Variants in MAP3K12 observed in about 807,000 individuals in gnomAD.
MAP3K12 encodes mitogen-activated protein kinase kinase kinase 12.
Under a neutral mutation model 87.5 loss-of-function variants are expected in MAP3K12, and 14 were observed. The observed-to-expected ratio is 0.16, with a 90% confidence interval of 0.11 to 0.25. The LOEUF (loss-of-function observed/expected upper bound fraction) is 0.25, where lower values mean the gene tolerates loss of function less well. MAP3K12 is among the 10% of genes least tolerant of loss of function. MAP3K12 has a pLI of 1.00. For synonymous variants in MAP3K12, 469 were observed against 452.5 expected (o/e 1.04, Z -0.46); for missense variants, 802 against 1,140.4 (o/e 0.70, Z 4.27).
At position 53,486,658 on chromosome 12, in the gene MAP3K12, A is replaced by C. The variant is rs755568705; in HGVS notation, c.446-36T>G. ...GAGGCACAGTGCCACAAGCCTCAGA[A>C]AGAGCCACACTCAAGGCCAGGGACA... is the stretch of plus-strand genomic sequence containing the variant. On this transcript the variant is annotated intron_variant, in intron 2 of 13. Coordinates refer to ENST00000547488, the MANE Select transcript of MAP3K12 (RefSeq NM_001193511.2). The surrounding 1 kb of genome is among the most constrained non-coding windows in gnomAD (Gnocchi z 4.9). The C allele has an allele frequency of 5.2e-6, 8 of 1,536,672 alleles. No individual in the cohort carries two copies. Among genetic ancestry groups the C allele is most frequent in the Non-Finnish European group, 7.0e-6 (8 of 1,142,926 alleles).
At chr12:53,491,301 A>AAAAAAGAAAAAGAAAAG (rs796169121) in intron 1 of MAP3K12, among the ~76,000 whole-genome samples, 2 of 101,570 alleles carry the variant, frequency 2.0e-5, no homozygotes, top group African/African-American at 3.8e-5. Flanking sequence ...AAAAAAAAAA[A>AAAAAAGAAAAAGAAAAG]AAAAGAAAAG....
Position 53,483,592 on chromosome 12 carries a change from G to A in MAP3K12, c.1475+15C>T. 1.2e-6 allele frequency: 2 copies of A among 1,613,912 alleles called. No homozygotes were observed. Among genetic ancestry groups the A allele is most frequent in the Non-Finnish European group, 1.7e-6 (2 of 1,179,840 alleles). ...ACAGCTCCAGGGCTTGGTGCATAAG[G>A]ACAGGTAGGGTTACCTGAGCAGCTC... On this transcript the variant is annotated intron_variant, in intron 9 of 13. Transcript: ENST00000547488.
intron 1 of MAP3K12, among the ~76,000 whole-genome samples, chr12:53,494,401 G>A (rs558878530): frequency 6.6e-6 from 1 of 152,344 alleles, no homozygotes; most frequent in African/African-American, 2.4e-5. Context: ...ACACCCAACA[G>A]GCCCTAATTC....
chr12:53,486,160 G>A lies in MAP3K12; in HGVS notation c.717C>T (p.Arg239=). The change falls in exon 4 of 14, where the codon CGC becomes CGT. Residue 239 remains arginine (R), a synonymous_variant. Transcript: ENST00000547488. The surrounding 1 kb of genome is among the most constrained non-coding windows in gnomAD (Gnocchi z 4.9). Reference sequence around the variant, plus strand: ...CAACCAGTAAGGAGGGGGTGACAGGGCGGCCAGCCCGCAGTACCTCATACA... The same window carrying A: ...CAACCAGTAAGGAGGGGGTGACAGGACGGCCAGCCCGCAGTACCTCATACA... ...GQLYEVLRAG[R]PVTPSLLVDW... The A allele has an allele frequency of 6.2e-7, 1 of 1,614,182 alleles. No individual in the cohort carries two copies.
At chr12:53,483,778 C>T (rs784565) in intron 8 of MAP3K12, 55 bp from the exon 9 acceptor site, 1,588,949 of 1,612,964 alleles carry the variant, frequency 0.99, 785,361 homozygotes, top group East Asian at 1. Context: ...AGGGCCATAA[C>T]AGATCTCAGT....
rs1281753866 is a variant in MAP3K12, at chr12:53,486,721, T to C, written c.446-99A>G. 2.7e-6 allele frequency: 4 copies of C among 1,454,746 alleles called. No homozygotes were observed. Among genetic ancestry groups the C allele is most frequent in the Non-Finnish European group, 3.6e-6 (4 of 1,108,446 alleles). 90.1% of individuals were successfully genotyped at this position (1,454,746 alleles called of 1,614,324 possible). ...GTTGGCTGAATTGACTTAAGGAGGG[T>C]GAGGCAGAAAGCCAAAAATAGGCCA... is the stretch of plus-strand genomic sequence containing the variant. On this transcript the variant is annotated intron_variant, in intron 2 of 13. Coordinates refer to ENST00000547488, the MANE Select transcript of MAP3K12 (RefSeq NM_001193511.2). The surrounding 1 kb of genome is among the most constrained non-coding windows in gnomAD (Gnocchi z 4.9).
chr12:53,482,226 G>A lies in MAP3K12; in HGVS notation c.2310-15C>T. On this transcript the variant is annotated splice_polypyrimidine_tract_variant and intron_variant, in intron 12 of 13. Transcript: ENST00000547488. ...TCTGAGGCCACCTACATGTTGAAGA[G>A]GGGGATTACAGCTTGGTTCTGCCCC... 6.2e-7 allele frequency: 1 copy of A among 1,614,148 alleles called. No homozygotes were observed. Among genetic ancestry groups the A allele is most frequent in the Non-Finnish European group, 8.5e-7 (1 of 1,179,998 alleles).
At chr12:53,485,614 G>A (rs1046192122) in intron 4 of MAP3K12, 139 bp from the exon 5 acceptor site, 1 of 952,930 alleles carries the variant, frequency 1.0e-6, no homozygotes, top group Non-Finnish European at 1.6e-6. Flanking sequence ...GGAGTGCAGT[G>A]GCTCAATCTC....
At chr12:53,485,954 G>T in intron 4 of MAP3K12, 102 bp downstream of exon 4, 2 of 1,098,694 alleles carry the variant, frequency 1.8e-6, no homozygotes, top group Non-Finnish European at 1.3e-6. Context: ...TTCTGAGATG[G>T]CCACATGGAC....
intron 4 of MAP3K12, 146 bp downstream of exon 4, chr12:53,485,910 C>G: frequency 1.4e-6 from 1 of 708,810 alleles, no homozygotes. Context: ...CTCACTACAG[C>G]CCTTCTGAGA....
chr12:53,491,728 C>G (rs1943413273), intron 1 of MAP3K12, among the ~76,000 whole-genome samples: 2 of 150,928 alleles, frequency 1.3e-5, no homozygotes, highest in South Asian at 4.2e-4. Context: ...CCACCGCGCC[C>G]GGCAGGCATA....
At chr12:53,485,713 G>T in intron 4 of MAP3K12, 1 of 536,578 alleles carries the variant, frequency 1.9e-6, no homozygotes, top group Non-Finnish European at 3.3e-6. Context: ...TCGCCACCAC[G>T]CCTGACTAAT....
chr12:53,484,447 T>G (rs966909558), intron 6 of MAP3K12, 82 bp from the exon 7 acceptor site: 5 of 975,572 alleles, frequency 5.1e-6, no homozygotes, highest in Non-Finnish European at 8.1e-6. Context: ...TCCCAAAGTG[T>G]GTCCTGGAGA....
chr12:53,481,842 T>C (rs1309087615), intron 13 of MAP3K12, 99 bp downstream of exon 13: 1 of 1,431,512 alleles, frequency 7.0e-7, no homozygotes, highest in African/African-American at 1.4e-5. Context: ...TGGTACTTTC[T>C]GGCCTGTGCA....
rs1943018952 is a variant in MAP3K12 at position 53,481,108 on chromosome 12, CATATATATATATATAT to C, written c.*58_*73del. 2 of 580,938 alleles carry C rather than the reference CATATATATATATATAT, an allele frequency of 3.4e-6. No individual in the cohort carries two copies. The highest frequency in any genetic ancestry group is 7.9e-5 in the South Asian group (1 of 12,662). The allele number at this position is 580,938 out of a possible 1,614,324, so 36.0% of individuals were successfully genotyped here. A position where few individuals can be genotyped will look rare whatever the true frequency, so the allele number is the denominator to read the frequency against. ...CCATCTTTCTGTTGATTATGTGGCG[CATATATATATATATAT>C]GTATATATATATAATTTATATAAAT... is the stretch of plus-strand genomic sequence containing the variant. On this transcript the variant is annotated 3_prime_UTR_variant, in exon 14 of 14. Transcript: ENST00000547488.
At chr12:53,490,511 C>T (rs1328772663) in intron 1 of MAP3K12, among the ~76,000 whole-genome samples, 1 of 151,816 alleles carries the variant, frequency 6.6e-6, no homozygotes, top group South Asian at 2.1e-4. Flanking sequence ...TCTGGGAGGC[C>T]GAGGCGGGCG....
Position 53,482,223 on chromosome 12 carries a change from A to AG in MAP3K12, c.2310-13dup, listed in dbSNP as rs1037675179. The AG allele has an allele frequency of 1.2e-6, 2 of 1,613,958 alleles. No homozygotes were observed. The highest frequency in any genetic ancestry group is 2.2e-5 in the East Asian group (1 of 44,884). ...GGCTCTGAGGCCACCTACATGTTGA[A>AG]GAGGGGGATTACAGCTTGGTTCTGC... On this transcript the variant is annotated splice_polypyrimidine_tract_variant and intron_variant, in intron 12 of 13. Transcript: ENST00000547488.
chr12:53,482,414 G>C (rs767079750), intron 11 of MAP3K12, 45 bp from the exon 12 acceptor site: 2 of 1,610,458 alleles, frequency 1.2e-6, no homozygotes, highest in East Asian at 4.5e-5. Context: ...GAAGTGGAAA[G>C]AGGTCACTAA....
upstream of MAP3K12, chr12:53,501,446 G>A (rs1248682577): frequency 1.9e-6 from 3 of 1,568,874 alleles, no homozygotes; most frequent in Non-Finnish European, 2.6e-6. Context: ...ACTACCACGG[G>A]CTGCGGGCTG....
Sources: allele counts gnomAD v4.1 joint callset (sites outside exome capture counted in the v4.1 genomes callset), GRCh38; gene constraint gnomAD v4.1.1; non-coding constraint Gnocchi (gnomAD v3.1); transcripts MANE v1.5; gene names NCBI Gene and HGNC (gene_info 2026-07-23, HGNC 2026-07-21).